The following KHDRBS2 variants were observed in gnomAD, a reference collection of about 807,000 sequenced individuals.
The protein encoded by KHDRBS2 is KH RNA binding domain containing, signal transduction associated 2, also known as KH domain-containing, RNA-binding, signal transduction-associated protein 2.
KHDRBS2 carries 26 observed loss-of-function variants against 44.3 expected under a neutral mutation model. The ratio of observed to expected loss-of-function variants is 0.59; its 90% CI spans 0.43 to 0.81. The LOEUF (loss-of-function observed/expected upper bound fraction) is 0.81, where lower values mean the gene tolerates loss of function less well. Among genes scored for constraint, KHDRBS2 ranks in the 40% least tolerant of loss-of-function variants. The probability of loss-of-function intolerance (pLI) is 0.00; values close to 1 mark genes in which losing one functional copy is unlikely to be tolerated. For synonymous variants in KHDRBS2, 194 were observed against 151.1 expected, an observed-to-expected ratio of 1.28 and a Z score of -2.08; for missense variants, 476 against 433.1, an observed-to-expected ratio of 1.10 and a Z score of -0.88.
At chr6:62,285,707 T>A (rs1022693516) in intron 1 of KHDRBS2, 151 bp downstream of exon 1, 45 of 594,090 alleles carry the variant, frequency 7.6e-5, no homozygotes, top group African/African-American at 7.5e-4. Flanking sequence ...GAACGGGGTC[T>A]GTCCGCCCGA....
chr6:61,589,327 T>A, the KHDRBS2 span, among the ~76,000 whole-genome samples: 403 of 152,318 alleles, frequency 2.6e-3, 5 homozygotes, highest in African/African-American at 9.3e-3. Context: ...AATTCTAGCT[T>A]TGACCTTTTA....
intron 6 of KHDRBS2, among the ~76,000 whole-genome samples, chr6:61,769,278 C>T (rs766959120): frequency 2.6e-5 from 4 of 152,024 alleles, no homozygotes; most frequent in African/African-American, 4.8e-5. Flanking sequence ...ACTGAGGTAC[C>T]GGGTTCATCT....
intron 6 of KHDRBS2, among the ~76,000 whole-genome samples, chr6:61,872,866 G>T (rs1798864457): frequency 6.6e-6 from 1 of 151,990 alleles, no homozygotes; most frequent in African/African-American, 2.4e-5. Context: ...CAGAAAACTT[G>T]GAATCTGATC....
intron 2 of KHDRBS2, among the ~76,000 whole-genome samples, chr6:62,107,482 T>C (rs1803727704): frequency 1.3e-5 from 2 of 152,088 alleles, no homozygotes; most frequent in South Asian, 4.1e-4. Context: ...TGCTCATGGG[T>C]AGGAAGAATC....
intron 4 of KHDRBS2, among the ~76,000 whole-genome samples, chr6:61,945,081 A>G: frequency 9.4e-6 from 1 of 106,360 alleles, no homozygotes; most frequent in South Asian, 3.0e-4. Context: ...ACAGAGTGAG[A>G]CTCTGTCTTA....
intron 1 of KHDRBS2, among the ~76,000 whole-genome samples, chr6:62,191,636 G>A (rs751935963): frequency 6.6e-6 from 1 of 152,048 alleles, no homozygotes; most frequent in African/African-American, 2.4e-5. Context: ...CCACCCATCA[G>A]CCTGTCCCTC....
chr6:62,121,516 T>A (rs978203866), intron 2 of KHDRBS2, among the ~76,000 whole-genome samples: 4 of 152,148 alleles, frequency 2.6e-5, no homozygotes, highest in African/African-American at 9.7e-5. Flanking sequence ...AATTAACACA[T>A]CTCCTGGTAC....
chr6:61,617,977 T>A, the KHDRBS2 span, among the ~76,000 whole-genome samples: 1 of 152,198 alleles, frequency 6.6e-6, no homozygotes. Context: ...TTTAGAATAA[T>A]TTGCCATTTA....
chr6:61,951,934 T>C (rs146466965), intron 4 of KHDRBS2, among the ~76,000 whole-genome samples: 1,618 of 152,048 alleles, frequency 0.011, 11 homozygotes, highest in Non-Finnish European at 0.015. Context: ...TTAAACATTA[T>C]CTGTACAATC....
chr6:62,252,304 A>G (rs1360166580), intron 1 of KHDRBS2, among the ~76,000 whole-genome samples: 1 of 151,934 alleles, frequency 6.6e-6, no homozygotes, highest in South Asian at 2.1e-4. Context: ...AGCCAGCATC[A>G]TATCACTGCT....
intron 2 of KHDRBS2, among the ~76,000 whole-genome samples, chr6:62,076,440 G>A (rs1796349954): frequency 6.6e-6 from 1 of 151,980 alleles, no homozygotes; most frequent in South Asian, 2.1e-4. Flanking sequence ...TTCATAAAAG[G>A]TTCAAAGAAG....
chr6:62,229,821 C>CA (rs1320889848), intron 1 of KHDRBS2, among the ~76,000 whole-genome samples: 1 of 152,176 alleles, frequency 6.6e-6, no homozygotes, highest in African/African-American at 2.4e-5. Flanking sequence ...TGGGTCACAC[C>CA]AGCCATCCAG....
At chr6:62,185,104 A>G (rs1443528700) in intron 1 of KHDRBS2, among the ~76,000 whole-genome samples, 1 of 151,882 alleles carries the variant, frequency 6.6e-6, no homozygotes, top group Non-Finnish European at 1.5e-5. Flanking sequence ...TATTATAACG[A>G]TTAGCATTTT....
intron 2 of KHDRBS2, among the ~76,000 whole-genome samples, chr6:62,098,933 A>AT (rs1233488049): frequency 6.7e-6 from 1 of 149,730 alleles, no homozygotes; most frequent in African/African-American, 2.5e-5. Context: ...TCTCTATTAT[A>AT]TTTTTTATTT....
intron 6 of KHDRBS2, among the ~76,000 whole-genome samples, chr6:61,742,202 C>G (rs779584421): frequency 2.0e-5 from 3 of 151,928 alleles, no homozygotes; most frequent in Non-Finnish European, 4.4e-5. Flanking sequence ...CAGATAGGAA[C>G]TTAACATTTA....
chr6:62,075,629 T>G (rs1442411035), intron 2 of KHDRBS2, among the ~76,000 whole-genome samples: 1 of 151,942 alleles, frequency 6.6e-6, no homozygotes, highest in Non-Finnish European at 1.5e-5. Context: ...CAGCATTAAA[T>G]TTTTTCCTCC....
At chr6:62,070,250 T>A (rs1794679052) in intron 2 of KHDRBS2, among the ~76,000 whole-genome samples, 1 of 151,786 alleles carries the variant, frequency 6.6e-6, no homozygotes, top group Non-Finnish European at 1.5e-5. Context: ...GGGATATTGA[T>A]ATATAGTTTT....
intron 4 of KHDRBS2, among the ~76,000 whole-genome samples, chr6:61,967,395 G>A (rs1237617427): frequency 9.8e-6 from 1 of 101,986 alleles, no homozygotes; most frequent in African/African-American, 3.9e-5. Context: ...ATGCTGTGAA[G>A]ATAGATGATA....
rs539457120 is a variant in KHDRBS2, at chr6:62,108,733, G to A, written c.220-60739C>T. On this transcript the variant is annotated intron_variant, in intron 2 of 8. Transcript: ENST00000281156. ...CAATGATAGACTGGATTAAGAAAACGTGGCATATATACACCATGGAATACT... is the reference window on the plus strand; with the variant it reads ...CAATGATAGACTGGATTAAGAAAACATGGCATATATACACCATGGAATACT... Among the ~76,000 whole-genome samples the A allele has an allele frequency of 1.4e-3, 217 of 152,238 alleles. 1 individual carries two copies. Among genetic ancestry groups the A allele is most frequent in the African/African-American group, 5.0e-3 (206 of 41,522 alleles).
Sources: gnomAD v4.1 joint callset for allele counts (sites outside exome capture counted in the v4.1 genomes callset) on GRCh38, gnomAD v4.1.1 for gene constraint, MANE v1.5 for transcripts, NCBI Gene and HGNC (gene_info 2026-07-23, HGNC 2026-07-21) for gene names.